Variants in KIF13A observed in about 807,000 individuals in gnomAD.
KIF13A encodes kinesin-like protein KIF13A.
In KIF13A, 79 loss-of-function variants were observed where a neutral mutation model predicts 212.2. The observed-to-expected ratio is 0.37, with a 90% CI of 0.31 to 0.45. The LOEUF (loss-of-function observed/expected upper bound fraction) is 0.45. Ranked by LOEUF, KIF13A falls within the 20% of genes least tolerant of loss-of-function variation. The pLI, the probability that KIF13A is intolerant of heterozygous loss-of-function variation, is 1.00. For synonymous variants in KIF13A, 789 were observed against 808.6 expected (o/e 0.98, Z 0.41); for missense variants, 1,901 against 2,209.0 (o/e 0.86, Z 2.79).
chr6:17,858,055 A>G (rs754726511), intron 4 of KIF13A, among the ~76,000 whole-genome samples: 7 of 151,926 alleles, frequency 4.6e-5, no homozygotes, highest in Non-Finnish European at 5.9e-5. Flanking sequence ...CTGTGCATAT[A>G]ATGTAAAACC....
At chr6:17,842,718 A>G (rs533206469) in intron 9 of KIF13A, among the ~76,000 whole-genome samples, 1 of 152,120 alleles carries the variant, frequency 6.6e-6, no homozygotes, top group African/African-American at 2.4e-5. Flanking sequence ...TTTAAGATAG[A>G]ATTTTTTTTA....
rs759551056 is a variant in KIF13A at position 17,764,085 on chromosome 6, G to A, written c.*25C>T. ...CAAGTTGTTGCGGTGAAGGGCCTCT[G>A]GGGTTGACATACAGTTAGACATACT... is the stretch of plus-strand genomic sequence containing the variant. On this transcript the variant is annotated 3_prime_UTR_variant, in exon 39 of 39. Coordinates refer to ENST00000259711, the MANE Select transcript of KIF13A (RefSeq NM_022113.6). The surrounding 1 kb of genome is among the most constrained non-coding windows in gnomAD (Gnocchi z 5.1). 4.4e-6 allele frequency: 7 copies of A among 1,601,748 alleles called. No homozygotes were observed. The Admixed American group carries it at 6.8e-5, about 15-fold the overall frequency.
intron 4 of KIF13A, among the ~76,000 whole-genome samples, chr6:17,865,769 G>A (rs548507227): frequency 1.3e-5 from 2 of 152,300 alleles, no homozygotes; most frequent in African/African-American, 4.8e-5. Context: ...TGCCTGGTAA[G>A]AAGATCCCAA....
chr6:17,784,162 G>A (rs1760845076), intron 28 of KIF13A, among the ~76,000 whole-genome samples: 1 of 152,226 alleles, frequency 6.6e-6, no homozygotes, highest in Non-Finnish European at 1.5e-5. Flanking sequence ...GCTCATGCCT[G>A]TAATCCCAGC....
chr6:17,814,240 A>T (rs1371229051), intron 17 of KIF13A, among the ~76,000 whole-genome samples: 2 of 114,522 alleles, frequency 1.7e-5, no homozygotes, highest in African/African-American at 3.4e-5. Flanking sequence ...CATGAGCTAC[A>T]GTGCCCGGCT....
intron 4 of KIF13A, among the ~76,000 whole-genome samples, chr6:17,862,905 G>A (rs1193493836): frequency 1.3e-5 from 2 of 152,134 alleles, no homozygotes; most frequent in African/African-American, 2.4e-5. Context: ...CCGAAATCGC[G>A]CCACTGCACT....
At chr6:17,760,641 A>G, downstream of KIF13A, 1 of 590,622 alleles carries the variant, frequency 1.7e-6, no homozygotes, top group Middle Eastern at 4.6e-4. Context: ...TGGAAAAAGC[A>G]GAGGCTGTTG....
At position 17,826,154 on chromosome 6, in the gene KIF13A, A is replaced by G. The variant is rs1317230998; in HGVS notation, c.1533-30T>C. ...GAGAACACGAGGGAAAATACCAGGT[A>G]AATGGGAAGGAGCACAAGACCTTGT... is the stretch of plus-strand genomic sequence containing the variant. On this transcript the variant is annotated intron_variant, in intron 14 of 38. Transcript: ENST00000259711. The surrounding 1 kb of genome is among the most constrained non-coding windows in gnomAD (Gnocchi z 4.7). 2 of 1,561,356 alleles carry G rather than the reference A, an allele frequency of 1.3e-6. No homozygotes were observed. The highest frequency in any genetic ancestry group is 3.4e-5 in the Admixed American group (2 of 59,644).
intron 2 of KIF13A, among the ~76,000 whole-genome samples, chr6:17,916,706 C>A (rs1581723735): frequency 6.6e-6 from 1 of 152,092 alleles, no homozygotes; most frequent in East Asian, 1.9e-4. Context: ...ATTATTTGTG[C>A]AAGATATTTA....
At chr6:17,943,224 G>A (rs959969739) in intron 2 of KIF13A, among the ~76,000 whole-genome samples, 11 of 151,958 alleles carry the variant, frequency 7.2e-5, no homozygotes, top group African/African-American at 2.2e-4. Flanking sequence ...TTCAATGTCT[G>A]TTTCTTTAAG....
At chr6:17,885,303 AT>A (rs1165347556) in intron 3 of KIF13A, among the ~76,000 whole-genome samples, 13 of 152,226 alleles carry the variant, frequency 8.5e-5, no homozygotes, top group African/African-American at 2.9e-4. Flanking sequence ...TGCTAGAGTC[AT>A]CACCCTTATT....
chr6:17,906,682 T>A (rs1391901359), intron 2 of KIF13A, among the ~76,000 whole-genome samples: 1 of 152,072 alleles, frequency 6.6e-6, no homozygotes, highest in African/African-American at 2.4e-5. Flanking sequence ...ACTTCTGGGC[T>A]CAAGCAATCC....
At chr6:17,869,711 A>G (rs531843847) in intron 4 of KIF13A, among the ~76,000 whole-genome samples, 2 of 152,246 alleles carry the variant, frequency 1.3e-5, no homozygotes, top group Non-Finnish European at 2.9e-5. Flanking sequence ...GCTTTTAATA[A>G]ATAGCAAGAC....
At position 17,871,019 on chromosome 6, in the gene KIF13A, G is replaced by A. The variant is rs980333163; in HGVS notation, c.220+2358C>T. On this transcript the variant is annotated intron_variant, in intron 4 of 38. Transcript: ENST00000259711. This position sits in a 1 kb window ranked among gnomAD's most constrained non-coding sequence, Gnocchi z 4.4. The stretch of plus-strand genomic sequence containing the variant: ...AATTGTCCAAGAGAACCAAGGCAGA[G>A]GTCCTGAAATTCAAACACAGGTCTC... Among the ~76,000 whole-genome samples, 8 of 152,204 alleles carry A rather than the reference G, an allele frequency of 5.3e-5. No individual in the cohort carries two copies. The highest frequency in any genetic ancestry group is 3.3e-4 in the Admixed American group (5 of 15,278).
At position 17,850,978 on chromosome 6, in the gene KIF13A, G is replaced by A. The variant is rs1456467396; in HGVS notation, c.583-521C>T. Reference sequence around the variant, plus strand: ...TTTTCTTGCTTTTACATACAAGGATGCTGAAGTTCGTGGAGGTCAAGCAAC... The same window carrying A: ...TTTTCTTGCTTTTACATACAAGGATACTGAAGTTCGTGGAGGTCAAGCAAC... On this transcript the variant is annotated intron_variant, in intron 7 of 38. Coordinates refer to ENST00000259711, the MANE Select transcript of KIF13A (RefSeq NM_022113.6). The surrounding 1 kb of genome is among the most constrained non-coding windows in gnomAD (Gnocchi z 6.2). 6.6e-6 allele frequency among the ~76,000 whole-genome samples: 1 copy of A among 152,128 alleles called. No individual in the cohort carries two copies. Among genetic ancestry groups the A allele is most frequent in the African/African-American group, 2.4e-5 (1 of 41,428 alleles).
chr6:17,852,218 A>C (rs932091834), intron 6 of KIF13A, among the ~76,000 whole-genome samples, 176 bp from the exon 7 acceptor site: 1 of 152,200 alleles, frequency 6.6e-6, no homozygotes, highest in African/African-American at 2.4e-5. Flanking sequence ...TTAACATGAG[A>C]AATGTGTTTT....
intron 4 of KIF13A, among the ~76,000 whole-genome samples, chr6:17,870,157 A>G (rs1022037673): frequency 1.3e-5 from 2 of 152,232 alleles, no homozygotes; most frequent in African/African-American, 4.8e-5. Context: ...GAGAAGGAGC[A>G]TCATAGTATT....
chr6:17,904,439 G>C (rs1773316938), intron 2 of KIF13A, among the ~76,000 whole-genome samples: 1 of 152,060 alleles, frequency 6.6e-6, no homozygotes, highest in African/African-American at 2.4e-5. Flanking sequence ...CTGCACTCCA[G>C]CCTGGGTGAC....
chr6:17,987,457 C>T lies in KIF13A; in HGVS notation c.7G>A (p.Asp3Asn). The change falls in exon 1 of 39, where the codon GAT becomes AAT. Residue 3 changes from aspartate to asparagine, a missense_variant. Transcript: ENST00000259711. The surrounding 1 kb of genome is among the most constrained non-coding windows in gnomAD (Gnocchi z 7.7). The part of the protein sequence containing the change: MS[D>N]TKVKVAVRVR... ...CGGACGGCAACTTTTACCTTGGTAT[C>T]CGACATGTTGGCTGCGCTCGCCCGG... The T allele has an allele frequency of 7.6e-7, 1 of 1,320,696 alleles. No individual in the cohort carries two copies. The highest frequency in any genetic ancestry group is 5.1e-5 in the East Asian group (1 of 19,490). 81.8% of individuals were successfully genotyped at this position (1,320,696 alleles called of 1,614,324 possible). A position where few individuals can be genotyped will look rare whatever the true frequency, so the allele number is the denominator to read the frequency against.
Sources: gnomAD v4.1 joint callset for allele counts (sites outside exome capture counted in the v4.1 genomes callset) on GRCh38, gnomAD v4.1.1 for gene constraint, Gnocchi (gnomAD v3.1) non-coding constraint, MANE v1.5 for transcripts, NCBI Gene and HGNC (gene_info 2026-07-23, HGNC 2026-07-21) for gene names.